Variants in TINAG observed in about 807,000 individuals in gnomAD.
The protein encoded by TINAG is tubulointerstitial nephritis antigen.
TINAG carries 83 observed loss-of-function variants against 72.7 expected under a neutral mutation model. The ratio of observed to expected loss-of-function variants is 1.14; its 90% CI spans 0.96 to 1.37. The LOEUF (loss-of-function observed/expected upper bound fraction) is 1.37, where lower values mean the gene tolerates loss of function less well. Ranked by LOEUF, TINAG falls within the 40% of genes most tolerant of loss-of-function variation. TINAG has a pLI of 0.00. For missense variants in TINAG, 685 were observed against 576.6 expected, an observed-to-expected ratio of 1.19 and a Z score of -1.93; for synonymous variants, 234 against 189.9, an observed-to-expected ratio of 1.23 and a Z score of -1.91.
Position 54,308,577 on chromosome 6 carries a change from C to T in TINAG, c.27C>T (p.Ile9=). MWTGYKIL[I]FSYLTTEIWM... Reference sequence around the variant, plus strand: ...TGTGGACCGGATATAAGATCTTAATCTTCTCTTATCTTACTACAGAAATCT... The same window carrying T: ...TGTGGACCGGATATAAGATCTTAATTTTCTCTTATCTTACTACAGAAATCT... Residue 9 remains isoleucine (I), a synonymous_variant, in exon 1 of 11, where the codon ATC becomes ATT. Transcript: ENST00000259782. 1 of 1,612,210 alleles carries T rather than the reference C, an allele frequency of 6.2e-7. No homozygotes were observed. The highest frequency in any genetic ancestry group is 8.5e-7 in the Non-Finnish European group (1 of 1,179,330).
upstream of TINAG, chr6:54,308,084 G>C (rs758972174): frequency 1.3e-6 from 2 of 1,549,868 alleles, no homozygotes; most frequent in East Asian, 2.4e-5. Flanking sequence ...CTGGATGTTC[G>C]TTTCAATGCA....
At position 54,354,606 on chromosome 6, in the gene TINAG, A is replaced by G. The variant is rs763990510; in HGVS notation, c.1220A>G (p.Lys407Arg). 1.9e-6 allele frequency: 3 copies of G among 1,610,818 alleles called. No individual in the cohort carries two copies. Among genetic ancestry groups the G allele is most frequent in the Non-Finnish European group, 2.5e-6 (3 of 1,178,222 alleles). Residue 407 changes from lysine (K) to arginine (R), a missense_variant, in exon 9 of 11, where the codon AAG becomes AGG. By Grantham distance (26) the Lys-to-Arg change is conservative (BLOSUM62 2). Transcript: ENST00000259782. ...STNKESEKYR[K>R]LQTHAVKLTG... ...AATAAAGAATCAGAAAAATATCGAA[A>G]GCTTCAGACACATGCAGTCAAACTC...
chr6:54,316,476 G>A (rs1784374618), intron 1 of TINAG, among the ~76,000 whole-genome samples: 1 of 152,114 alleles, frequency 6.6e-6, no homozygotes, highest in African/African-American at 2.4e-5. Context: ...ATGGGTAATG[G>A]AAGCACTTGC....
chr6:54,380,128 C>T (rs1408878615), intron 9 of TINAG, among the ~76,000 whole-genome samples: 1 of 152,108 alleles, frequency 6.6e-6, no homozygotes, highest in East Asian at 1.9e-4. Context: ...TTTATGGCTG[C>T]ATAGTATTCC....
At chr6:54,386,234 C>T (rs1309510217) in intron 10 of TINAG, among the ~76,000 whole-genome samples, 1 of 152,116 alleles carries the variant, frequency 6.6e-6, no homozygotes, top group Non-Finnish European at 1.5e-5. Flanking sequence ...TAAAATTCAG[C>T]ACTTACTGTT....
intron 3 of TINAG, among the ~76,000 whole-genome samples, chr6:54,322,858 A>T (rs1325176978): frequency 2.6e-5 from 4 of 152,240 alleles, no homozygotes; most frequent in African/African-American, 9.6e-5. Context: ...TTCAAAGAAG[A>T]TGAGAGTATA....
chr6:54,387,470 A>T (rs1764129504), intron 10 of TINAG, among the ~76,000 whole-genome samples: 1 of 152,192 alleles, frequency 6.6e-6, no homozygotes, highest in Non-Finnish European at 1.5e-5. Flanking sequence ...GAGCTAAAAA[A>T]AAGTCAACCT....
At position 54,360,566 on chromosome 6, in the gene TINAG, AT is replaced by A. The variant is rs535120971; in HGVS notation, c.1250+5932del. ...TAGAATTTGCCCTGTGTCCCTGTCC[AT>A]TGAAGGTCTAAGCTTTATTTAATCC... On this transcript the variant is annotated intron_variant, in intron 9 of 10. Transcript: ENST00000259782. Among the ~76,000 whole-genome samples, 20 of 151,706 alleles carry A rather than the reference AT, an allele frequency of 1.3e-4. No individual in the cohort carries two copies. In the East Asian group the frequency reaches 3.5e-3, roughly 27 times the overall value.
chr6:54,366,402 T>A (rs1165625878), intron 9 of TINAG, among the ~76,000 whole-genome samples: 2 of 151,840 alleles, frequency 1.3e-5, no homozygotes, highest in Admixed American at 6.6e-5. Flanking sequence ...GCAGTTTTTT[T>A]AATATCTAAA....
At chr6:54,316,762 T>A (rs1582694704) in intron 1 of TINAG, among the ~76,000 whole-genome samples, 1 of 152,182 alleles carries the variant, frequency 6.6e-6, no homozygotes, top group Non-Finnish European at 1.5e-5. Context: ...CATATCATCA[T>A]CTTTTTGCAG....
Position 54,308,562 on chromosome 6 carries a change from A to G in TINAG, c.12A>G (p.Gly4=), listed in dbSNP as rs1349716702. The change falls in exon 1 of 11, where the codon GGA becomes GGG. Residue 4 remains glycine (G), a synonymous_variant. Coordinates refer to ENST00000259782, the MANE Select transcript of TINAG (RefSeq NM_014464.4). MWT[G]YKILIFSYLT... The stretch of plus-strand genomic sequence containing the variant: ...CTGACTTCCAGAGAATGTGGACCGG[A>G]TATAAGATCTTAATCTTCTCTTATC... 4 of 1,611,520 alleles carry G rather than the reference A, an allele frequency of 2.5e-6. No homozygotes were observed. The South Asian group carries it at 3.3e-5, about 13-fold the overall frequency.
At chr6:54,344,901 A>G (rs1273681745) in intron 5 of TINAG, among the ~76,000 whole-genome samples, 1 of 152,188 alleles carries the variant, frequency 6.6e-6, no homozygotes, top group East Asian at 1.9e-4. Flanking sequence ...TATCATAAAG[A>G]TCTAAAAAAT....
intron 9 of TINAG, among the ~76,000 whole-genome samples, chr6:54,379,073 T>A (rs1165472587): frequency 1.3e-5 from 2 of 152,156 alleles, no homozygotes; most frequent in Non-Finnish European, 2.9e-5. Context: ...CTTCTAGGAA[T>A]GTTTGTTCTG....
intron 9 of TINAG, chr6:54,367,252 C>T (rs2150972085): frequency 6.6e-6 from 1 of 151,742 alleles, no homozygotes; most frequent in Non-Finnish European, 1.5e-5. Context: ...AGTCATTCTA[C>T]TTTGAGATAA....
At chr6:54,335,274 A>T (rs1405612949) in intron 4 of TINAG, among the ~76,000 whole-genome samples, 1 of 152,168 alleles carries the variant, frequency 6.6e-6, no homozygotes, top group Non-Finnish European at 1.5e-5. Flanking sequence ...GCTCCTGGGG[A>T]TTTGTTTGCA....
chr6:54,352,990 G>A (rs1455464224), intron 8 of TINAG, among the ~76,000 whole-genome samples: 1 of 151,720 alleles, frequency 6.6e-6, no homozygotes, highest in African/African-American at 2.4e-5. Flanking sequence ...AGCAAGAGAC[G>A]AGGAACAACC....
intron 9 of TINAG, among the ~76,000 whole-genome samples, chr6:54,359,090 T>G (rs1343309784): frequency 6.6e-6 from 1 of 151,832 alleles, no homozygotes; most frequent in East Asian, 1.9e-4. Flanking sequence ...ATTATGACCA[T>G]TTGTTTGAAT....
intron 9 of TINAG, among the ~76,000 whole-genome samples, chr6:54,375,726 A>G (rs999988636): frequency 1.3e-5 from 2 of 152,164 alleles, no homozygotes; most frequent in Admixed American, 1.3e-4. Context: ...CTGTTAAAAG[A>G]ACAAACAACG....
intron 4 of TINAG, among the ~76,000 whole-genome samples, chr6:54,328,824 C>T (rs1336835127): frequency 6.6e-6 from 1 of 151,572 alleles, no homozygotes; most frequent in East Asian, 2.0e-4. Flanking sequence ...CTTCATGAAG[C>T]ATACACAAGT....
Sources: allele counts gnomAD v4.1 joint callset (sites outside exome capture counted in the v4.1 genomes callset), GRCh38; gene constraint gnomAD v4.1.1; transcripts MANE v1.5; gene names NCBI Gene and HGNC (gene_info 2026-07-23, HGNC 2026-07-21).